Variants in SLCO1B3 observed in about 807,000 individuals in gnomAD.
SLCO1B3 encodes the protein solute carrier organic anion transporter family member 1B3.
Under a neutral mutation model 71.8 loss-of-function variants are expected in SLCO1B3, and 72 were observed. That is an observed-to-expected ratio of 1.00 (90% CI 0.83 to 1.22). The LOEUF (loss-of-function observed/expected upper bound fraction) is 1.22. SLCO1B3 is among the 50% of genes most tolerant of loss of function. The pLI, the probability that SLCO1B3 is intolerant of heterozygous loss-of-function variation, is 0.00. For missense variants in SLCO1B3, 911 were observed against 819.7 expected, an observed-to-expected ratio of 1.11 and a Z score of -1.36; for synonymous variants, 298 against 278.4, an observed-to-expected ratio of 1.07 and a Z score of -0.70.
chr12:20,907,460 T>G, intron 15 of SLCO1B3, among the ~76,000 whole-genome samples: 1 of 76,236 alleles, frequency 1.3e-5, no homozygotes, highest in African/African-American at 4.8e-5. Flanking sequence ...TTCCTTCCCC[T>G]CCCTTCCCCT....
intron 3 of SLCO1B3, among the ~76,000 whole-genome samples, chr12:20,846,428 A>T (rs2121192544): frequency 6.6e-6 from 1 of 152,316 alleles, no homozygotes; most frequent in African/African-American, 2.4e-5. Context: ...TGGAATTGCA[A>T]ACTATGTGTT....
intron 3 of SLCO1B3, among the ~76,000 whole-genome samples, chr12:20,841,587 T>C (rs1864802828): frequency 6.6e-6 from 1 of 152,144 alleles, no homozygotes; most frequent in Admixed American, 6.5e-5. Context: ...TCAACTTTTA[T>C]TTTAGGTTCA....
At chr12:20,899,011 T>C (rs1866075338) in intron 14 of SLCO1B3, among the ~76,000 whole-genome samples, 1 of 152,160 alleles carries the variant, frequency 6.6e-6, no homozygotes, top group Admixed American at 6.6e-5. Context: ...CAGGAGTTAA[T>C]GCAAAAGGGA....
intron 8 of SLCO1B3, among the ~76,000 whole-genome samples, chr12:20,867,304 T>C (rs1865391806): frequency 2.0e-5 from 3 of 152,262 alleles, no homozygotes; most frequent in African/African-American, 7.2e-5. Flanking sequence ...ATCATTGTTA[T>C]GTAAAAAGCC....
chr12:20,905,355 T>C (rs921830316), intron 15 of SLCO1B3, among the ~76,000 whole-genome samples: 1 of 152,210 alleles, frequency 6.6e-6, no homozygotes, highest in African/African-American at 2.4e-5. Context: ...TCTTTACTTA[T>C]GCAAATTTCT....
chr12:20,845,311 A>ACC, intron 3 of SLCO1B3: 2 of 20,088 alleles, frequency 1.0e-4, no homozygotes, highest in East Asian at 1.5e-3. Context: ...CTGATCAACA[A>ACC]TGAGTAGAAA....
At chr12:20,883,701 G>C (rs1865739924) in intron 13 of SLCO1B3, 99 bp downstream of exon 13, 1 of 771,838 alleles carries the variant, frequency 1.3e-6, no homozygotes, top group Non-Finnish European at 2.0e-6. Flanking sequence ...TTCATATTTT[G>C]TCAATTTTTA....
Position 20,854,948 on chromosome 12 carries a change from C to G in SLCO1B3, c.85-80C>G. ...AATGTTTTCGAGTAAAGAAGAAAAACTGTTTTAGTTCCATGTACCTATAAA... is the reference window on the plus strand; with the variant it reads ...AATGTTTTCGAGTAAAGAAGAAAAAGTGTTTTAGTTCCATGTACCTATAAA... On this transcript the variant is annotated intron_variant, in intron 3 of 15. Coordinates refer to ENST00000381545, the MANE Select transcript of SLCO1B3 (RefSeq NM_019844.4). 7 of 1,293,404 alleles carry G rather than the reference C, an allele frequency of 5.4e-6. No homozygotes were observed. In the South Asian group the frequency reaches 8.0e-5, roughly 15 times the overall value. The allele number at this position is 1,293,404 out of a possible 1,614,324, so 80.1% of individuals were successfully genotyped here. A position where few individuals can be genotyped will look rare whatever the true frequency, so the allele number is the denominator to read the frequency against.
chr12:20,830,320 G>A (rs1347628949), intron 3 of SLCO1B3, among the ~76,000 whole-genome samples: 4 of 152,144 alleles, frequency 2.6e-5, no homozygotes, highest in South Asian at 2.1e-4. Flanking sequence ...AAGGATGCAT[G>A]GGGGAGACAG....
chr12:20,881,201 TG>T (rs1266391391), intron 12 of SLCO1B3, among the ~76,000 whole-genome samples, 181 bp downstream of exon 12: 2 of 152,168 alleles, frequency 1.3e-5, no homozygotes, highest in Non-Finnish European at 2.9e-5. Context: ...TATAAAACTC[TG>T]CTTAGGACAC....
intron 15 of SLCO1B3, among the ~76,000 whole-genome samples, chr12:20,912,492 C>G (rs1866402395): frequency 1.6e-5 from 1 of 62,030 alleles, no homozygotes; most frequent in Admixed American, 2.6e-4. Context: ...TCACACCTGG[C>G]TAATTTTTTT....
intron 8 of SLCO1B3, among the ~76,000 whole-genome samples, chr12:20,872,606 C>G (rs1393134773): frequency 6.6e-6 from 1 of 151,938 alleles, no homozygotes. Flanking sequence ...TACTTTGGTA[C>G]CACTGCTGGT....
chr12:20,820,214 C>T (rs1003788666), intron 3 of SLCO1B3, among the ~76,000 whole-genome samples: 4 of 151,846 alleles, frequency 2.6e-5, no homozygotes, highest in Non-Finnish European at 4.4e-5. Context: ...TGAGAGTTAC[C>T]TAAAGCTCGG....
intron 3 of SLCO1B3, among the ~76,000 whole-genome samples, chr12:20,838,918 A>C (rs377486164): frequency 6.6e-6 from 1 of 151,764 alleles, no homozygotes; most frequent in African/African-American, 2.4e-5. Flanking sequence ...ATTTTATATA[A>C]TACCATTAAT....
chr12:20,859,892 G>A (rs927852611), intron 5 of SLCO1B3, among the ~76,000 whole-genome samples: 2 of 149,422 alleles, frequency 1.3e-5, no homozygotes, highest in Non-Finnish European at 3.0e-5. Flanking sequence ...CATTTAATCT[G>A]TCCTTCACAT....
At chr12:20,871,252 T>C (rs1865470147) in intron 8 of SLCO1B3, among the ~76,000 whole-genome samples, 1 of 152,212 alleles carries the variant, frequency 6.6e-6, no homozygotes. Flanking sequence ...TTGAATAGTA[T>C]TGGCATTAAT....
At chr12:20,833,930 A>C (rs1307205401) in intron 3 of SLCO1B3, among the ~76,000 whole-genome samples, 1 of 144,988 alleles carries the variant, frequency 6.9e-6, no homozygotes, top group East Asian at 2.0e-4. Flanking sequence ...GTGTACACAT[A>C]CATATGTACA....
intron 11 of SLCO1B3, 54 bp from the exon 12 acceptor site, chr12:20,880,801 T>C (rs1159839719): frequency 2.3e-6 from 3 of 1,316,354 alleles, no homozygotes; most frequent in Admixed American, 2.0e-5. Context: ...TCTTCTGCTC[T>C]TTCTCTACTT....
rs1565592781 is a variant in SLCO1B3, at chr12:20,861,100, T to TA, written c.444dup (p.Ser149IlefsTer8). The TA allele has an allele frequency of 6.2e-7, 1 of 1,601,706 alleles. No individual in the cohort carries two copies. ...TCAACCTGTTTAATTAATCAAACCT[T>TA]ATCATTCAATGGAACATCACCTGAG... On this transcript the variant is annotated frameshift_variant, in exon 6 of 16. Coordinates refer to ENST00000381545, the MANE Select transcript of SLCO1B3 (RefSeq NM_019844.4). LOFTEE classifies it high-confidence loss of function.
Sources: gnomAD v4.1 joint callset for allele counts (sites outside exome capture counted in the v4.1 genomes callset) on GRCh38, gnomAD v4.1.1 for gene constraint, MANE v1.5 for transcripts, NCBI Gene and HGNC (gene_info 2026-07-23, HGNC 2026-07-21) for gene names.